RASGEF1A: variants seen among roughly 807,000 people sequenced by gnomAD.
RASGEF1A encodes the protein RasGEF domain family member 1A, also known as ras-GEF domain-containing family member 1A.
Under a neutral mutation model 56.4 loss-of-function variants are expected in RASGEF1A, and 18 were observed. The observed-to-expected ratio is 0.32, with a 90% confidence interval of 0.22 to 0.47. The LOEUF is 0.47. Among genes scored for constraint, RASGEF1A ranks in the 20% least tolerant of loss-of-function variants. The probability of loss-of-function intolerance (pLI) is 1.00; values close to 1 mark genes in which losing one functional copy is unlikely to be tolerated. For synonymous variants in RASGEF1A, 245 were observed against 242.6 expected (o/e 1.01, Z -0.09); for missense variants, 422 against 627.1 (o/e 0.67, Z 3.49).
rs370333724 is a variant in RASGEF1A at position 43,209,273 on chromosome 10, C to A, written c.-6-3151G>T. On this transcript the variant is annotated intron_variant, in intron 1 of 12. Coordinates refer to ENST00000395810, the MANE Select transcript of RASGEF1A (RefSeq NM_145313.4). ...ACTCTTCCCAGTCACCCCCTATGCT[C>A]CCAGAGAACCCGTTATTCCCTTACG... The A allele has an allele frequency of 1.7e-5, 16 of 939,030 alleles. 1 individual carries two copies. The Admixed American group carries it at 3.7e-4, about 22-fold the overall frequency. The allele number at this position is 939,030 out of a possible 1,614,324, so 58.2% of individuals were successfully genotyped here.
chr10:43,243,051 C>G (rs1286338076), intron 1 of RASGEF1A, among the ~76,000 whole-genome samples: 2 of 149,984 alleles, frequency 1.3e-5, no homozygotes, highest in African/African-American at 4.9e-5. Flanking sequence ...GTGAGAAGTG[C>G]CTCTGCCCGG....
At chr10:43,244,092 C>A (rs933472274) in intron 1 of RASGEF1A, among the ~76,000 whole-genome samples, 1 of 152,204 alleles carries the variant, frequency 6.6e-6, no homozygotes, top group Non-Finnish European at 1.5e-5. Context: ...TTACCCCCAA[C>A]CCCCTGCTCT....
intron 1 of RASGEF1A, among the ~76,000 whole-genome samples, chr10:43,220,787 A>T (rs1303516457): frequency 6.6e-6 from 1 of 151,110 alleles, no homozygotes; most frequent in Non-Finnish European, 1.5e-5. Context: ...TCTGTCTTAA[A>T]AAAAAAAAAG....
chr10:43,198,905 G>T, intron 9 of RASGEF1A, 28 bp downstream of exon 9: 1 of 1,571,140 alleles, frequency 6.4e-7, no homozygotes, highest in Non-Finnish European at 8.6e-7. Flanking sequence ...GGTGCAGCTC[G>T]CAGCTGTGAC....
chr10:43,237,436 CCCCCTCCT>C (rs141631261), intron 1 of RASGEF1A, among the ~76,000 whole-genome samples: 20,637 of 132,990 alleles, frequency 0.16, 2,110 homozygotes, highest in East Asian at 0.5. Context: ...CTCCCACTCT[CCCCCTCCT>C]CCCCTCCCCT....
Position 43,203,217 on chromosome 10 carries a change from G to C in RASGEF1A, c.321+81C>G. ...ATCCCCCAGCTCTACCGTGAACCCC[G>C]CCCCATGCCTCCAGCCCCTAGCCTT... On this transcript the variant is annotated intron_variant, in intron 3 of 12. Coordinates refer to ENST00000395810, the MANE Select transcript of RASGEF1A (RefSeq NM_145313.4). The C allele has an allele frequency of 4.1e-5, 37 of 911,924 alleles. No individual in the cohort carries two copies. In the Admixed American group the frequency reaches 5.2e-4, roughly 13 times the overall value. 56.5% of individuals were successfully genotyped at this position (911,924 alleles called of 1,614,324 possible). A position where few individuals can be genotyped will look rare whatever the true frequency, so the allele number is the denominator to read the frequency against.
intron 1 of RASGEF1A, among the ~76,000 whole-genome samples, chr10:43,240,685 G>GA (rs1195281068): frequency 1.4e-4 from 21 of 151,362 alleles, no homozygotes; most frequent in Admixed American, 6.6e-4. Context: ...GGCACAGAAA[G>GA]AAAAAAGAAA....
intron 1 of RASGEF1A, among the ~76,000 whole-genome samples, chr10:43,261,554 C>A (rs1429362661): frequency 1.3e-5 from 2 of 152,242 alleles, no homozygotes; most frequent in African/African-American, 2.4e-5. Context: ...AGCCCCCTGC[C>A]TGCTCTGAGT....
At chr10:43,211,808 T>C (rs1467327839) in intron 1 of RASGEF1A, among the ~76,000 whole-genome samples, 1 of 152,126 alleles carries the variant, frequency 6.6e-6, no homozygotes, top group Admixed American at 6.5e-5. Flanking sequence ...ACAGGCTCTG[T>C]CCCCACACCC....
chr10:43,243,468 G>A (rs557135108), intron 1 of RASGEF1A, among the ~76,000 whole-genome samples: 58 of 145,108 alleles, frequency 4.0e-4, no homozygotes, highest in East Asian at 2.8e-3. Context: ...AGTGAGGGGC[G>A]TCTTTACCCG....
chr10:43,244,496 C>A (rs552198376), intron 1 of RASGEF1A, among the ~76,000 whole-genome samples: 1 of 151,132 alleles, frequency 6.6e-6, no homozygotes, highest in African/African-American at 2.4e-5. Flanking sequence ...CAACAGAACA[C>A]ATACTCTTCT....
chr10:43,196,682 T>G lies in RASGEF1A; in HGVS notation c.1349-134A>C. On this transcript the variant is annotated intron_variant, in intron 11 of 12. Coordinates refer to ENST00000395810, the MANE Select transcript of RASGEF1A (RefSeq NM_145313.4). The surrounding 1 kb of genome is among the most constrained non-coding windows in gnomAD (Gnocchi z 4.6). The stretch of plus-strand genomic sequence containing the variant: ...CTGGGCTGAACACAGTTCTCTGCTG[T>G]GCGGGGCTCTCAGGCTGCCTGTTGG... 1 of 872,886 alleles carries G rather than the reference T, an allele frequency of 1.1e-6. No homozygotes were observed. 54.1% of individuals were successfully genotyped at this position (872,886 alleles called of 1,614,324 possible).
At chr10:43,212,197 A>C (rs1840078076) in intron 1 of RASGEF1A, among the ~76,000 whole-genome samples, 1 of 152,204 alleles carries the variant, frequency 6.6e-6, no homozygotes. Flanking sequence ...GAGCCTCCCC[A>C]GAGATGCCTG....
intron 1 of RASGEF1A, among the ~76,000 whole-genome samples, chr10:43,253,877 G>A (rs555593787): frequency 6.6e-6 from 1 of 152,382 alleles, no homozygotes; most frequent in Admixed American, 6.5e-5. Context: ...TTTTGCAGCA[G>A]CAATAAGAGG....
intron 1 of RASGEF1A, among the ~76,000 whole-genome samples, chr10:43,250,013 G>A (rs955189064): frequency 4.6e-5 from 7 of 152,240 alleles, no homozygotes; most frequent in African/African-American, 1.2e-4. Context: ...AGGGTCCAGC[G>A]GCCAGGGCAA....
chr10:43,205,898 C>T, intron 2 of RASGEF1A, 21 bp downstream of exon 2: 1 of 1,599,278 alleles, frequency 6.3e-7, no homozygotes. Context: ...AGTCTCACTC[C>T]ACAAGGCCCC....
chr10:43,223,928 T>C (rs960393933), intron 1 of RASGEF1A, among the ~76,000 whole-genome samples: 2 of 152,148 alleles, frequency 1.3e-5, no homozygotes, highest in Non-Finnish European at 2.9e-5. Context: ...GGAATCTAAC[T>C]CCAGATATGT....
intron 1 of RASGEF1A, among the ~76,000 whole-genome samples, chr10:43,261,953 C>T (rs1836536290): frequency 6.6e-6 from 1 of 152,178 alleles, no homozygotes; most frequent in Admixed American, 6.5e-5. Flanking sequence ...GATCCTCATC[C>T]TGGGAAGTAC....
At chr10:43,264,689 G>T (rs1020927132) in intron 1 of RASGEF1A, among the ~76,000 whole-genome samples, 1 of 151,750 alleles carries the variant, frequency 6.6e-6, no homozygotes, top group East Asian at 2.0e-4. Flanking sequence ...AGGGAGGGGT[G>T]GGGGAGAATG....
Sources: allele counts gnomAD v4.1 joint callset (sites outside exome capture counted in the v4.1 genomes callset), GRCh38; gene constraint gnomAD v4.1.1; non-coding constraint Gnocchi (gnomAD v3.1); transcripts MANE v1.5; gene names NCBI Gene and HGNC (gene_info 2026-07-23, HGNC 2026-07-21).